Variants in POLH observed in about 807,000 individuals in gnomAD.
The protein encoded by POLH is DNA polymerase eta transcript.
POLH carries 53 observed loss-of-function variants against 73.6 expected under a neutral mutation model. The ratio of observed to expected loss-of-function variants is 0.72; its 90% CI spans 0.58 to 0.91. The LOEUF (loss-of-function observed/expected upper bound fraction) is 0.91. POLH is among the 40% of genes least tolerant of loss of function. POLH has a pLI of 0.00. For missense variants in POLH, 768 were observed against 865.4 expected (o/e 0.89, Z 1.41); for synonymous variants, 292 against 308.5 (o/e 0.95, Z 0.56).
chr6:43,604,615 G>T lies in POLH; in HGVS notation c.885G>T (p.Gly295=), dbSNP rs1231392250. The change falls in exon 8 of 11, where the codon GGG becomes GGT. Residue 295 remains glycine, a splice_region_variant and synonymous_variant. Transcript: ENST00000372236. The stretch of plus-strand genomic sequence containing the variant: ...TAACGTTTTTTGCTGGTCTTATTAG[G>T]TCTTGGCTATATGCCATGTGCCGAG... ...QLQSHFGEKN[G]SWLYAMCRGI... 3.1e-6 allele frequency: 5 copies of T among 1,613,860 alleles called. No homozygotes were observed. The African/African-American group carries it at 5.3e-5, about 17-fold the overall frequency.
At chr6:43,606,882 C>T (rs1423734218) in intron 9 of POLH, among the ~76,000 whole-genome samples, 1 of 152,108 alleles carries the variant, frequency 6.6e-6, no homozygotes, top group African/African-American at 2.4e-5. Flanking sequence ...AAAAGAAATC[C>T]TGTGCCCATT....
chr6:43,579,603 A>T (rs1040151351), intron 1 of POLH, among the ~76,000 whole-genome samples: 7 of 152,250 alleles, frequency 4.6e-5, no homozygotes, highest in East Asian at 1.9e-4. Flanking sequence ...TGGCAAATTA[A>T]CTGAACCCAA....
At chr6:43,602,995 CTTTTTTTTTTTTT>C (rs59306548) in intron 6 of POLH, among the ~76,000 whole-genome samples, 3 of 114,020 alleles carry the variant, frequency 2.6e-5, no homozygotes, top group Admixed American at 9.2e-5. Context: ...TTATGTATTC[CTTTTTTTTTTTTT>C]TTTTTTTTTT....
chr6:43,592,983 G>A (rs1765633999), intron 4 of POLH, among the ~76,000 whole-genome samples: 1 of 152,106 alleles, frequency 6.6e-6, no homozygotes, highest in South Asian at 2.1e-4. Context: ...GCGTCCCAAA[G>A]TGCCAGGATT....
rs761510328 is a variant in POLH at position 43,614,554 on chromosome 6, T to A, written c.2139T>A (p.His713Gln). 2 of 1,612,912 alleles carry A rather than the reference T, an allele frequency of 1.2e-6. No individual in the cohort carries two copies. The highest frequency in any genetic ancestry group is 2.2e-5 in the South Asian group (2 of 91,052). Residue 713 changes from histidine (H) to glutamine (Q), a missense_variant, in exon 11 of 11, where the codon CAT becomes CAA. Transcript: ENST00000372236. ...TLESFFKPLT[H>Q] ...AATCATTTTTTAAGCCATTAACACA[T>A]TAGTGCTGCCCTCAGGCTTGCCTGT... is the stretch of plus-strand genomic sequence containing the variant.
chr6:43,598,427 G>T (rs889338623), intron 5 of POLH, among the ~76,000 whole-genome samples: 2 of 150,850 alleles, frequency 1.3e-5, no homozygotes, highest in Non-Finnish European at 2.9e-5. Flanking sequence ...AGGAGTTCGA[G>T]ACCAGCCTGA....
At chr6:43,580,077 C>T (rs1298988744) in intron 1 of POLH, among the ~76,000 whole-genome samples, 1 of 148,796 alleles carries the variant, frequency 6.7e-6, no homozygotes, top group Non-Finnish European at 1.5e-5. Context: ...TGTTTGTGTC[C>T]CTGATTACTT....
At chr6:43,586,941 A>G (rs558547033) in intron 3 of POLH, among the ~76,000 whole-genome samples, 119 of 152,300 alleles carry the variant, frequency 7.8e-4, no homozygotes, top group African/African-American at 2.8e-3. Context: ...GGAATAGGTG[A>G]TCATAGTAAT....
intron 9 of POLH, among the ~76,000 whole-genome samples, chr6:43,606,344 C>CT (rs1173199988): frequency 1.3e-5 from 2 of 151,900 alleles, no homozygotes; most frequent in Non-Finnish European, 1.5e-5. Flanking sequence ...GTTTTATTCT[C>CT]TATCTCTGTA....
At chr6:43,584,004 A>G (rs556872251) in intron 3 of POLH, among the ~76,000 whole-genome samples, 8 of 152,180 alleles carry the variant, frequency 5.3e-5, no homozygotes, top group African/African-American at 1.4e-4. Context: ...TTAGCCAGGC[A>G]TGGTGGCACA....
At position 43,617,747 on chromosome 6, in the gene POLH, G is replaced by A. The variant is rs185429607; in HGVS notation, c.*3190G>A. ...GATCAAGGCCATCCTGGCCAACATG[G>A]TGAAACCCCGTCTCTACTGAAAATA... On this transcript the variant is annotated 3_prime_UTR_variant, in exon 11 of 11. Coordinates refer to ENST00000372236, the MANE Select transcript of POLH (RefSeq NM_006502.3). Among the ~76,000 whole-genome samples, 1 of 152,222 alleles carries A rather than the reference G, an allele frequency of 6.6e-6. No individual in the cohort carries two copies. The highest frequency in any genetic ancestry group is 1.5e-5 in the Non-Finnish European group (1 of 68,010).
chr6:43,606,312 TC>T (rs1314035552), intron 9 of POLH, among the ~76,000 whole-genome samples: 2 of 151,822 alleles, frequency 1.3e-5, no homozygotes, highest in Admixed American at 1.3e-4. Context: ...CCTCCTCCCC[TC>T]CCCCATCCCA....
intron 6 of POLH, 82 bp from the exon 7 acceptor site, chr6:43,603,810 T>G: frequency 7.0e-7 from 1 of 1,426,676 alleles, no homozygotes; most frequent in Admixed American, 1.7e-5. Context: ...GAGAGCTGTT[T>G]ACAAAGTAGA....
chr6:43,610,827 A>G lies in POLH; in HGVS notation c.1244+104A>G, dbSNP rs1767809564. ...TATCATAAAGTTCCTCATTGTGTCT[A>G]ATCACTCAAATTTTCACATGAGCTG... On this transcript the variant is annotated intron_variant, in intron 10 of 10. Coordinates refer to ENST00000372236, the MANE Select transcript of POLH (RefSeq NM_006502.3). The G allele has an allele frequency of 3.1e-6, 3 of 952,906 alleles. No individual in the cohort carries two copies. In the South Asian group the frequency reaches 4.2e-5, roughly 13 times the overall value. The allele number at this position is 952,906 out of a possible 1,614,324, so 59.0% of individuals were successfully genotyped here.
rs1475612421 is a variant in POLH, at chr6:43,618,497, G to T, written c.*3940G>T. Among the ~76,000 whole-genome samples the T allele has an allele frequency of 1.3e-5, 2 of 152,056 alleles. No homozygotes were observed. The highest frequency in any genetic ancestry group is 4.8e-5 in the African/African-American group (2 of 41,424). On this transcript the variant is annotated 3_prime_UTR_variant, in exon 11 of 11. Transcript: ENST00000372236. ...CTCCACTCTTGTGTGTGAAAAGTCA[G>T]CTCTTTTGGCTTTTCTGTTATGGGG...
At chr6:43,603,272 A>G (rs1232023201) in intron 6 of POLH, among the ~76,000 whole-genome samples, 1 of 151,922 alleles carries the variant, frequency 6.6e-6, no homozygotes, top group African/African-American at 2.4e-5. Flanking sequence ...GACTACAGCT[A>G]CATACTACCA....
intron 7 of POLH, among the ~76,000 whole-genome samples, 174 bp downstream of exon 7, chr6:43,604,185 A>G (rs139272671): frequency 2.2e-3 from 335 of 151,822 alleles, no homozygotes; most frequent in Middle Eastern, 3.4e-3. Flanking sequence ...CCATCAGTCT[A>G]GAGTAGTTTT....
chr6:43,578,567 C>T, intron 1 of POLH: 4 of 284,110 alleles, frequency 1.4e-5, no homozygotes, highest in South Asian at 3.1e-5. Context: ...AAGGAACAAC[C>T]GAGGAAATGC....
At chr6:43,611,873 T>C (rs2127818556) in intron 10 of POLH, among the ~76,000 whole-genome samples, 1 of 152,118 alleles carries the variant, frequency 6.6e-6, no homozygotes, top group Middle Eastern at 3.4e-3. Context: ...CCAGCCAACA[T>C]GGTGAAACCC....
Sources: allele counts gnomAD v4.1 joint callset (sites outside exome capture counted in the v4.1 genomes callset), GRCh38; gene constraint gnomAD v4.1.1; transcripts MANE v1.5; gene names NCBI Gene and HGNC (gene_info 2026-07-23, HGNC 2026-07-21).